Variants in ACCSL observed in about 807,000 individuals in gnomAD.
ACCSL encodes the protein probable inactive 1-aminocyclopropane-1-carboxylate synthase-like protein 2.
In ACCSL, 55 loss-of-function variants were observed where a neutral mutation model predicts 61.7. The ratio of observed to expected loss-of-function variants is 0.89; its 90% CI spans 0.72 to 1.12. The LOEUF is 1.12. ACCSL is among the 50% of genes most tolerant of loss of function. ACCSL has a pLI of 0.00. For synonymous variants in ACCSL, 258 were observed against 264.3 expected, an observed-to-expected ratio of 0.98 and a Z score of 0.23; for missense variants, 632 against 698.0, an observed-to-expected ratio of 0.91 and a Z score of 1.07.
At chr11:44,012,620 T>C in the ACCSL span, among the ~76,000 whole-genome samples, 1 of 152,158 alleles carries the variant, frequency 6.6e-6, no homozygotes, top group Non-Finnish European at 1.5e-5. Context: ...TTTAGCAATA[T>C]CTGTCAAACA....
chr11:44,053,081 C>T lies in ACCSL; in HGVS notation c.948+13C>T. The T allele has an allele frequency of 1.9e-6, 3 of 1,611,384 alleles. No homozygotes were observed. Among genetic ancestry groups the T allele is most frequent in the Non-Finnish European group, 2.5e-6 (3 of 1,177,670 alleles). On this transcript the variant is annotated intron_variant, in intron 7 of 13. Transcript: ENST00000378832. Reference sequence around the variant, plus strand: ...AGCTAGGCTTGAGGTAAGGTGGGAACCATATTTTTAGGATGGCCACTGCTG... The same window carrying T: ...AGCTAGGCTTGAGGTAAGGTGGGAATCATATTTTTAGGATGGCCACTGCTG...
the ACCSL span, among the ~76,000 whole-genome samples, chr11:44,019,773 T>C: frequency 6.6e-6 from 1 of 152,212 alleles, no homozygotes; most frequent in East Asian, 1.9e-4. Context: ...TTTAAATATA[T>C]TTTTCTTTTG....
At chr11:44,035,043 C>T in the ACCSL span, among the ~76,000 whole-genome samples, 1 of 152,120 alleles carries the variant, frequency 6.6e-6, no homozygotes, top group African/African-American at 2.4e-5. Context: ...CTTGGCATTC[C>T]CTCTGCCTGG....
chr11:43,924,386 T>C, the ACCSL span, among the ~76,000 whole-genome samples: 1 of 152,190 alleles, frequency 6.6e-6, no homozygotes, highest in East Asian at 1.9e-4. Context: ...AGCCAGAGCC[T>C]CCTGTGCCTT....
chr11:44,040,600 A>G, the ACCSL span, among the ~76,000 whole-genome samples: 1 of 152,208 alleles, frequency 6.6e-6, no homozygotes, highest in Non-Finnish European at 1.5e-5. Context: ...GCGGCAGAGC[A>G]GGTCCCTGAG....
chr11:44,020,635 T>A, the ACCSL span, among the ~76,000 whole-genome samples: 2 of 152,208 alleles, frequency 1.3e-5, no homozygotes, highest in Non-Finnish European at 1.5e-5. Context: ...TTTTTTTCTT[T>A]TTTAATTTCA....
the ACCSL span, among the ~76,000 whole-genome samples, chr11:43,987,863 T>C: frequency 6.6e-6 from 1 of 152,090 alleles, no homozygotes; most frequent in South Asian, 2.1e-4. Context: ...GTGGGAACAA[T>C]AATGTGCGTT....
chr11:44,014,740 A>G, the ACCSL span, among the ~76,000 whole-genome samples: 1 of 152,110 alleles, frequency 6.6e-6, no homozygotes, highest in Non-Finnish European at 1.5e-5. Flanking sequence ...TGGACTCTAC[A>G]TTTGAGTGAC....
the ACCSL span, among the ~76,000 whole-genome samples, chr11:44,004,292 G>C: frequency 2.0e-5 from 3 of 152,048 alleles, no homozygotes; most frequent in Non-Finnish European, 4.4e-5. Flanking sequence ...GTCTGGGGAA[G>C]GACACAGAGC....
At chr11:43,969,176 C>G in the ACCSL span, among the ~76,000 whole-genome samples, 1 of 152,022 alleles carries the variant, frequency 6.6e-6, no homozygotes, top group East Asian at 1.9e-4. Context: ...TGGCAAAACC[C>G]CATCTCTACC....
chr11:43,977,856 C>T, the ACCSL span, among the ~76,000 whole-genome samples: 1 of 152,270 alleles, frequency 6.6e-6, no homozygotes, highest in Admixed American at 6.5e-5. Flanking sequence ...TTAATCATCT[C>T]TCTGAGCCTC....
chr11:44,033,451 G>A, the ACCSL span, among the ~76,000 whole-genome samples: 1 of 152,116 alleles, frequency 6.6e-6, no homozygotes, highest in African/African-American at 2.4e-5. Context: ...TTCAGTGCCT[G>A]CCAAAGCCAG....
upstream of ACCSL, among the ~76,000 whole-genome samples, chr11:44,044,241 C>T (rs1339481118): frequency 6.6e-6 from 1 of 152,178 alleles, no homozygotes; most frequent in Non-Finnish European, 1.5e-5. Flanking sequence ...GTTCACTCTG[C>T]TTCCTAGGGC....
At chr11:43,970,084 T>G in the ACCSL span, among the ~76,000 whole-genome samples, 21,631 of 152,086 alleles carry the variant, frequency 0.14, 1,579 homozygotes, top group South Asian at 0.16. Context: ...GGGAGACCGA[T>G]GCAGAAGAAT....
the ACCSL span, among the ~76,000 whole-genome samples, chr11:43,988,587 G>A: frequency 6.6e-6 from 1 of 151,890 alleles, no homozygotes; most frequent in Non-Finnish European, 1.5e-5. Flanking sequence ...TTCTCCCAGG[G>A]CAGAGACTTT....
At chr11:44,002,844 G>A in the ACCSL span, among the ~76,000 whole-genome samples, 1 of 152,164 alleles carries the variant, frequency 6.6e-6, no homozygotes, top group African/African-American at 2.4e-5. Context: ...CCCCTGGCAA[G>A]GCACCGGGTA....
upstream of ACCSL, chr11:44,047,950 A>G (rs915774519): frequency 1.3e-6 from 2 of 1,493,688 alleles, no homozygotes; most frequent in African/African-American, 1.4e-5. Flanking sequence ...CTGAGGGTCC[A>G]GGAGATCCTC....
chr11:44,002,039 A>G, the ACCSL span, among the ~76,000 whole-genome samples: 1 of 151,820 alleles, frequency 6.6e-6, no homozygotes, highest in East Asian at 1.9e-4. Context: ...AGGGAGAGGA[A>G]AATAGGTTTG....
chr11:44,041,296 G>T, the ACCSL span, among the ~76,000 whole-genome samples: 21 of 152,204 alleles, frequency 1.4e-4, no homozygotes, highest in Non-Finnish European at 1.6e-4. Context: ...AGTTGTTAGG[G>T]TTAAGTGAAA....
Sources: gnomAD v4.1 joint callset for allele counts (sites outside exome capture counted in the v4.1 genomes callset) on GRCh38, gnomAD v4.1.1 for gene constraint, MANE v1.5 for transcripts, NCBI Gene and HGNC (gene_info 2026-07-23, HGNC 2026-07-21) for gene names.